ADAMTS18: variants seen among roughly 807,000 people sequenced by gnomAD.
ADAMTS18 encodes A disintegrin and metalloproteinase with thrombospondin motifs 18.
A neutral mutation model predicts 165.9 loss-of-function variants in ADAMTS18; 157 were observed. That is an observed-to-expected ratio of 0.95 (90% CI 0.83 to 1.08). The LOEUF (loss-of-function observed/expected upper bound fraction) is 1.08, where lower values mean the gene tolerates loss of function less well. ADAMTS18 is among the 50% of genes least tolerant of loss of function. The pLI is 0.00. For missense variants in ADAMTS18, 2,040 were observed against 1,534.0 expected (o/e 1.33, Z -5.51); for synonymous variants, 782 against 578.2 (o/e 1.35, Z -5.06).
chr16:77,411,790 G>C (rs910785448), intron 3 of ADAMTS18, among the ~76,000 whole-genome samples: 1 of 146,100 alleles, frequency 6.8e-6, no homozygotes, highest in Non-Finnish European at 1.5e-5. Flanking sequence ...AGGCTCAAGC[G>C]ATTCTCCTGT....
intron 11 of ADAMTS18, among the ~76,000 whole-genome samples, chr16:77,336,974 T>C (rs1462406057): frequency 6.6e-6 from 1 of 152,168 alleles, no homozygotes; most frequent in East Asian, 1.9e-4. Context: ...GGGAAGGTTG[T>C]TTGACTTTCA....
intron 3 of ADAMTS18, among the ~76,000 whole-genome samples, chr16:77,409,816 G>C (rs1378487366): frequency 2.0e-5 from 3 of 151,718 alleles, no homozygotes; most frequent in Non-Finnish European, 4.4e-5. Context: ...TGCTTTTGGA[G>C]TAAAGAAAAA....
intron 16 of ADAMTS18, among the ~76,000 whole-genome samples, chr16:77,311,541 C>T (rs558927259): frequency 6.6e-6 from 1 of 152,044 alleles, no homozygotes; most frequent in African/African-American, 2.4e-5. Context: ...TTTAGAATAT[C>T]TGTGTTCCAT....
intron 16 of ADAMTS18, among the ~76,000 whole-genome samples, chr16:77,313,422 G>A (rs147140149): frequency 0.036 from 5,322 of 148,258 alleles, 110 homozygotes; most frequent in South Asian, 0.053. Flanking sequence ...GTGCACATGT[G>A]CCCTAGAACT....
At chr16:77,430,274 A>T (rs1363289742) in intron 3 of ADAMTS18, among the ~76,000 whole-genome samples, 1 of 152,254 alleles carries the variant, frequency 6.6e-6, no homozygotes, top group East Asian at 1.9e-4. Context: ...TAAATAGACC[A>T]AAGAAAGAAT....
In ADAMTS18 at chr16:77,425,715, T is replaced by C. The variant is rs1458544728; in HGVS notation, c.495+5580A>G. 7.9e-5 allele frequency among the ~76,000 whole-genome samples: 12 copies of C among 152,050 alleles called. 1 individual carries two copies. Among genetic ancestry groups the C allele is most frequent in the Admixed American group, 7.9e-4 (12 of 15,256 alleles). On this transcript the variant is annotated intron_variant, in intron 3 of 22. Coordinates refer to ENST00000282849, the MANE Select transcript of ADAMTS18 (RefSeq NM_199355.4). ...TCTTTTAGCGTGAACCGCAGAACCCTGGTACAAGATGTTGATGGAAGTGTG... is the reference window on the plus strand; with the variant it reads ...TCTTTTAGCGTGAACCGCAGAACCCCGGTACAAGATGTTGATGGAAGTGTG...
intron 12 of ADAMTS18, among the ~76,000 whole-genome samples, chr16:77,329,292 G>C (rs1597129328): frequency 6.6e-6 from 1 of 152,108 alleles, no homozygotes; most frequent in African/African-American, 2.4e-5. Flanking sequence ...TTTTTATACA[G>C]ATGAGGGGCT....
intron 6 of ADAMTS18, among the ~76,000 whole-genome samples, chr16:77,362,639 G>C (rs531538053): frequency 6.6e-6 from 1 of 152,194 alleles, no homozygotes; most frequent in Non-Finnish European, 1.5e-5. Flanking sequence ...TATTTCCATA[G>C]ATGTCAAAAT....
chr16:77,300,582 T>C (rs1200721747), intron 16 of ADAMTS18, among the ~76,000 whole-genome samples, 178 bp from the exon 17 acceptor site: 2 of 152,198 alleles, frequency 1.3e-5, no homozygotes, highest in African/African-American at 4.8e-5. Flanking sequence ...CACTTTAAAA[T>C]GTGTCCCTTC....
chr16:77,400,131 T>A (rs1004343939), intron 3 of ADAMTS18, among the ~76,000 whole-genome samples: 1 of 152,120 alleles, frequency 6.6e-6, no homozygotes, highest in South Asian at 2.1e-4. Context: ...ACCCCCCAAT[T>A]TGGGGTCTCA....
At chr16:77,305,196 C>A (rs997376030) in intron 16 of ADAMTS18, among the ~76,000 whole-genome samples, 4 of 152,092 alleles carry the variant, frequency 2.6e-5, no homozygotes, top group South Asian at 2.1e-4. Flanking sequence ...ATGCTCTTTG[C>A]CCCCATCTTT....
intron 2 of ADAMTS18, chr16:77,432,363 G>C (rs749995413): frequency 6.6e-6 from 1 of 152,276 alleles, no homozygotes; most frequent in African/African-American, 2.4e-5. Context: ...AGGCATGTTG[G>C]TGGGGGAGTG....
chr16:77,423,996 T>C (rs759225130), intron 3 of ADAMTS18, among the ~76,000 whole-genome samples: 4 of 152,192 alleles, frequency 2.6e-5, no homozygotes, highest in Non-Finnish European at 5.9e-5. Flanking sequence ...TAATCAAGCA[T>C]GGAGCTTCCA....
At chr16:77,389,564 G>C (rs1422393776) in intron 3 of ADAMTS18, among the ~76,000 whole-genome samples, 1 of 152,126 alleles carries the variant, frequency 6.6e-6, no homozygotes, top group Admixed American at 6.5e-5. Context: ...AAGCCCTCAG[G>C]GTAGTCAGTT....
At chr16:77,399,553 C>A (rs2057300054) in intron 3 of ADAMTS18, among the ~76,000 whole-genome samples, 1 of 152,186 alleles carries the variant, frequency 6.6e-6, no homozygotes, top group African/African-American at 2.4e-5. Flanking sequence ...GACTCTACTA[C>A]TACTTGCTAG....
At chr16:77,410,858 T>C (rs1380678772) in intron 3 of ADAMTS18, among the ~76,000 whole-genome samples, 1 of 152,142 alleles carries the variant, frequency 6.6e-6, no homozygotes, top group Non-Finnish European at 1.5e-5. Context: ...CAGAAATGCA[T>C]TTAGTGCGAC....
chr16:77,318,281 G>T (rs756308719), intron 16 of ADAMTS18, among the ~76,000 whole-genome samples: 12 of 152,124 alleles, frequency 7.9e-5, no homozygotes, highest in Admixed American at 4.6e-4. Flanking sequence ...CCTCTAGTAG[G>T]CTTTGTACCT....
At chr16:77,377,867 T>A (rs537146135) in intron 3 of ADAMTS18, among the ~76,000 whole-genome samples, 17 of 152,216 alleles carry the variant, frequency 1.1e-4, no homozygotes, top group South Asian at 2.1e-4. Flanking sequence ...CAGTTCAGAA[T>A]AAGGGAAAGA....
At chr16:77,354,961 A>C (rs1597161058) in intron 9 of ADAMTS18, among the ~76,000 whole-genome samples, 1 of 152,188 alleles carries the variant, frequency 6.6e-6, no homozygotes, top group South Asian at 2.1e-4. Context: ...ACTAACAAAA[A>C]GTCTGTTGAT....
Sources: gnomAD v4.1 joint callset for allele counts (sites outside exome capture counted in the v4.1 genomes callset) on GRCh38, gnomAD v4.1.1 for gene constraint, MANE v1.5 for transcripts, NCBI Gene and HGNC (gene_info 2026-07-23, HGNC 2026-07-21) for gene names.